Variants in AFDN observed in about 807,000 individuals in gnomAD.
AFDN encodes the protein afadin.
Under a neutral mutation model 216.6 loss-of-function variants are expected in AFDN, and 68 were observed. The observed-to-expected ratio is 0.31, with a 90% CI of 0.26 to 0.38. The LOEUF is 0.38. AFDN is among the 10% of genes least tolerant of loss of function. AFDN has a pLI of 1.00. For synonymous variants in AFDN, 868 were observed against 853.7 expected (o/e 1.02, Z -0.29); for missense variants, 2,136 against 2,342.0 (o/e 0.91, Z 1.82).
intron 1 of AFDN, among the ~76,000 whole-genome samples, chr6:167,856,056 C>T (rs753460917): frequency 3.9e-5 from 6 of 152,096 alleles, no homozygotes; most frequent in African/African-American, 9.7e-5. Context: ...ATGTTCCACC[C>T]GGGATGTGAA....
chr6:167,862,608 CA>C (rs1364203088), intron 1 of AFDN, among the ~76,000 whole-genome samples: 1 of 152,228 alleles, frequency 6.6e-6, no homozygotes, highest in Non-Finnish European at 1.5e-5. Flanking sequence ...CTCCTGATCT[CA>C]GGTGATCCGC....
chr6:167,878,503 A>T (rs1039406986), intron 5 of AFDN, among the ~76,000 whole-genome samples: 4 of 152,136 alleles, frequency 2.6e-5, no homozygotes, highest in African/African-American at 9.7e-5. Flanking sequence ...AGCACAAGTG[A>T]CATTTTGTCC....
intron 1 of AFDN, among the ~76,000 whole-genome samples, chr6:167,832,234 C>T (rs1197216064): frequency 1.3e-5 from 2 of 152,156 alleles, no homozygotes; most frequent in Non-Finnish European, 2.9e-5. Context: ...CTGGGCATGT[C>T]GGAGTTGGCT....
intron 4 of AFDN, among the ~76,000 whole-genome samples, chr6:167,872,830 T>C (rs2073652): frequency 0.87 from 132,846 of 152,092 alleles, 58,255 homozygotes; most frequent in Non-Finnish European, 0.92. Context: ...TCCCTCCACT[T>C]CCACCTCCCA....
At chr6:167,900,065 A>G (rs972144618) in intron 11 of AFDN, among the ~76,000 whole-genome samples, 3 of 152,250 alleles carry the variant, frequency 2.0e-5, no homozygotes, top group African/African-American at 7.2e-5. Flanking sequence ...TCATTGAAGA[A>G]CATGGCTTAG....
Position 167,885,669 on chromosome 6 carries a change from A to G in AFDN, c.898-3546A>G, listed in dbSNP as rs146163406. Among the ~76,000 whole-genome samples, 12 of 152,382 alleles carry G rather than the reference A, an allele frequency of 7.9e-5. No individual in the cohort carries two copies. The East Asian group carries it at 2.1e-3, about 27-fold the overall frequency. On this transcript the variant is annotated intron_variant, in intron 6 of 33. Coordinates refer to ENST00000683244, the MANE Select transcript of AFDN (RefSeq NM_001386888.1). ...TAATGAAAAAGTTTGAAGTATTGTG[A>G]GAATTAACACAATGTACACACAGAC... is the stretch of plus-strand genomic sequence containing the variant.
In AFDN at chr6:167,952,154, C is replaced by A. The variant is rs1217753455; in HGVS notation, c.4800C>A (p.Ile1600=). 3 of 1,614,136 alleles carry A rather than the reference C, an allele frequency of 1.9e-6. No individual in the cohort carries two copies. The change falls in exon 30 of 34, where the codon ATC becomes ATA. Residue 1600 remains isoleucine, a synonymous_variant. Transcript: ENST00000683244. ...ACGATGATGTGGACACCATGCTGAT[C>A]ATGCAGCGCCTGGAGGCTGAACGAA... ...EEDDDVDTML[I]MQRLEAERRA...
At chr6:167,834,665 C>T (rs1780221680) in intron 1 of AFDN, among the ~76,000 whole-genome samples, 1 of 151,994 alleles carries the variant, frequency 6.6e-6, no homozygotes, top group African/African-American at 2.4e-5. Context: ...TTTCTGCTGT[C>T]CTCCTTTGGA....
chr6:167,943,403 A>G lies in AFDN; in HGVS notation c.3167A>G (p.Asp1056Gly). ...GCACACACCTGTGGATTTGCCTAGG[A>G]TGGACGTCTAGCTGCAGGTGATCAG... ...SVVKGGAADVDGRLAAGDQLL... is the reference protein window; with the variant it reads ...SVVKGGAADVGGRLAAGDQLL... Residue 1056 changes from aspartate to glycine, a missense_variant and splice_region_variant, in exon 25 of 34, where the codon GAT becomes GGT. Asp to Gly is a moderately conservative substitution (Grantham distance 94). Around this residue, in one of 8 missense-constraint regions of AFDN, gnomAD observed 74 missense variants for 98.8 expected, o/e 0.75. Coordinates refer to ENST00000683244, the MANE Select transcript of AFDN (RefSeq NM_001386888.1). The G allele has an allele frequency of 6.2e-7, 1 of 1,614,072 alleles. No individual in the cohort carries two copies. The highest frequency in any genetic ancestry group is 8.5e-7 in the Non-Finnish European group (1 of 1,179,946).
chr6:167,911,850 A>C, intron 15 of AFDN: 1 of 293,416 alleles, frequency 3.4e-6, no homozygotes. Flanking sequence ...CATTTGGTGC[A>C]TTCACAGTGT....
At chr6:167,848,667 C>T (rs113880387) in intron 1 of AFDN, among the ~76,000 whole-genome samples, 8,110 of 152,132 alleles carry the variant, frequency 0.053, 734 homozygotes, top group African/African-American at 0.19. Flanking sequence ...ATGGTTCTAC[C>T]AATTTATATT....
In AFDN at chr6:167,880,426, C is replaced by G. The variant is rs1785965392; in HGVS notation, c.806C>G (p.Ser269Cys). ...ATTCCCTACAAGACAATCCTGCTGT[C>G]TACTACAGATCCTGCAGACTTTGCT... ...PNIPYKTILL[S>C]TTDPADFAVA... is the part of the protein sequence containing the mutation. Residue 269 changes from serine to cysteine, a missense_variant, in exon 6 of 34, where the codon TCT (serine) becomes TGT (cysteine). Around this residue, in one of 8 missense-constraint regions of AFDN, gnomAD observed 817 missense variants for 965.7 expected, o/e 0.85. Coordinates refer to ENST00000683244, the MANE Select transcript of AFDN (RefSeq NM_001386888.1). 6.2e-7 allele frequency: 1 copy of G among 1,613,618 alleles called. No homozygotes were observed. The highest frequency in any genetic ancestry group is 8.5e-7 in the Non-Finnish European group (1 of 1,179,562).
intron 1 of AFDN, among the ~76,000 whole-genome samples, chr6:167,856,112 A>C (rs1395206988): frequency 6.6e-6 from 1 of 152,082 alleles, no homozygotes; most frequent in Non-Finnish European, 1.5e-5. Flanking sequence ...CCTGTTAGTC[A>C]CATATAGCTG....
At chr6:167,827,353 T>G (rs1469331021) in intron 1 of AFDN, 116 bp downstream of exon 1, 3 of 24,468 alleles carry the variant, frequency 1.2e-4, no homozygotes, top group East Asian at 3.6e-3. Flanking sequence ...CCCTCCCCCC[T>G]CCGCCCCTTC....
rs1035313132 is a variant in AFDN, at chr6:167,955,700, T to G, written c.4833+3513T>G. Among the ~76,000 whole-genome samples, 13 of 152,318 alleles carry G rather than the reference T, an allele frequency of 8.5e-5. 1 individual carries two copies. The highest frequency in any genetic ancestry group is 3.1e-4 in the African/African-American group (13 of 41,570). ...AAGGTTTTTGTTCCATAGAAATAAT[T>G]CAGAGAGTTTCTTTCTTTAGAAGAT... is the stretch of plus-strand genomic sequence containing the variant. On this transcript the variant is annotated intron_variant, in intron 30 of 33. Transcript: ENST00000683244.
chr6:167,838,977 G>A (rs574094619), intron 1 of AFDN, among the ~76,000 whole-genome samples: 66 of 152,152 alleles, frequency 4.3e-4, no homozygotes, highest in African/African-American at 1.4e-3. Flanking sequence ...TATTTCTATC[G>A]GTTTAATGTA....
chr6:167,826,883 T>A (rs1285929640), upstream of AFDN: 2 of 131,762 alleles, frequency 1.5e-5, no homozygotes, highest in Non-Finnish European at 3.4e-5. Flanking sequence ...CGCGGGCGGG[T>A]GCGGGCGGCG....
In AFDN at chr6:167,918,841, C is replaced by T. The variant is rs201634310; in HGVS notation, c.2816C>T (p.Pro939Leu). ...QLEEDPDLQLPFLLPEDGYSC... is the reference protein window; with the variant it reads ...QLEEDPDLQLLFLLPEDGYSC... Reference sequence around the variant, plus strand: ...GAGGAGGATCCTGATCTGCAGCTGCCGTTTCTTTTGCCAGAAGATGGTTAT... The same window carrying T: ...GAGGAGGATCCTGATCTGCAGCTGCTGTTTCTTTTGCCAGAAGATGGTTAT... The change falls in exon 21 of 34, where the codon CCG (proline) becomes CTG (leucine). Residue 939 changes from proline to leucine, a missense_variant. Physicochemically the swap from Pro to Leu is moderately conservative, Grantham distance 98. Around this residue, in one of 8 missense-constraint regions of AFDN, gnomAD observed 162 missense variants for 182.6 expected, o/e 0.89. Coordinates refer to ENST00000683244, the MANE Select transcript of AFDN (RefSeq NM_001386888.1). 3.1e-6 allele frequency: 5 copies of T among 1,612,920 alleles called. No individual in the cohort carries two copies. The highest frequency in any genetic ancestry group is 4.2e-6 in the Non-Finnish European group (5 of 1,179,368).
intron 10 of AFDN, 144 bp from the exon 11 acceptor site, chr6:167,898,061 G>T: frequency 3.5e-6 from 3 of 865,996 alleles, no homozygotes; most frequent in Non-Finnish European, 5.3e-6. Context: ...TACGATTGAG[G>T]GAAATCCACT....
Sources: allele counts gnomAD v4.1 joint callset (sites outside exome capture counted in the v4.1 genomes callset), GRCh38; gene constraint gnomAD v4.1.1; regional missense constraint gnomAD v4.1.1; transcripts MANE v1.5; gene names NCBI Gene and HGNC (gene_info 2026-07-23, HGNC 2026-07-21).